SELENOI: variants seen among roughly 807,000 people sequenced by gnomAD.
SELENOI encodes selenoprotein I, also known as ethanolaminephosphotransferase 1.
A neutral mutation model predicts 50.7 loss-of-function variants in SELENOI; 24 were observed. The ratio of observed to expected loss-of-function variants is 0.47; its 90% CI spans 0.34 to 0.67. The LOEUF (loss-of-function observed/expected upper bound fraction) is 0.67, where lower values mean the gene tolerates loss of function less well. Ranked by LOEUF, SELENOI falls within the 30% of genes least tolerant of loss-of-function variation. The probability of loss-of-function intolerance (pLI) is 0.01; values close to 1 mark genes in which losing one functional copy is unlikely to be tolerated. For synonymous variants in SELENOI, 155 were observed against 170.2 expected (o/e 0.91, Z 0.70); for missense variants, 352 against 461.4 (o/e 0.76, Z 2.17).
chr2:26,349,886 T>C (rs1676917863), intron 1 of SELENOI, among the ~76,000 whole-genome samples: 1 of 128,560 alleles, frequency 7.8e-6, no homozygotes, highest in African/African-American at 3.0e-5. Context: ...GGTGGGAGGA[T>C]GGCTTGAGGA....
In SELENOI at chr2:26,370,274, G is replaced by A. The variant is rs1451552017; in HGVS notation, c.310+3054G>A. On this transcript the variant is annotated intron_variant, in intron 4 of 9. Transcript: ENST00000260585. The stretch of plus-strand genomic sequence containing the variant: ...TGTCTACCTCTTTCTACACAGACAC[G>A]GCAACCATCCGATTTCTCAATCTTT... Among the ~76,000 whole-genome samples, 86 of 151,816 alleles carry A rather than the reference G, an allele frequency of 5.7e-4. 1 individual carries two copies. The highest frequency in any genetic ancestry group is 2.0e-3 in the African/African-American group (82 of 41,330).
chr2:26,383,726 T>G (rs1049774395), intron 7 of SELENOI, among the ~76,000 whole-genome samples: 2 of 152,062 alleles, frequency 1.3e-5, no homozygotes, highest in African/African-American at 4.8e-5. Flanking sequence ...ATAAAAAAAT[T>G]AGCTGTGTGT....
chr2:26,391,897 ATTC>A lies in SELENOI; in HGVS notation c.*2798_*2800del, dbSNP rs1677978847. On this transcript the variant is annotated 3_prime_UTR_variant, in exon 10 of 10. Transcript: ENST00000260585. ...TGACATTGCCACAGTTTACAGTGTC[ATTC>A]TTCCACGAATAGGTAATTGATAGAG... 6.6e-6 allele frequency: 1 copy of A among 152,226 alleles called. No individual in the cohort carries two copies. Among genetic ancestry groups the A allele is most frequent in the Non-Finnish European group, 1.5e-5 (1 of 68,044 alleles). 9.4% of individuals were successfully genotyped at this position (152,226 alleles called of 1,614,324 possible).
intron 1 of SELENOI, chr2:26,346,950 A>G (rs1213489936): frequency 1.3e-5 from 2 of 152,234 alleles, no homozygotes; most frequent in Non-Finnish European, 2.9e-5. Context: ...TCTTTTGTGT[A>G]TGAAACTGAA....
intron 4 of SELENOI, among the ~76,000 whole-genome samples, chr2:26,372,136 G>C (rs541822320): frequency 1.3e-5 from 2 of 152,240 alleles, no homozygotes; most frequent in East Asian, 3.9e-4. Flanking sequence ...TTTTGAGACA[G>C]AGTTTCGCTC....
In SELENOI at chr2:26,390,641, A is replaced by G. The variant is rs950337097; in HGVS notation, c.*1538A>G. 1 of 152,318 alleles carries G rather than the reference A, an allele frequency of 6.6e-6. No individual in the cohort carries two copies. The highest frequency in any genetic ancestry group is 1.5e-5 in the Non-Finnish European group (1 of 68,024). The allele number at this position is 152,318 out of a possible 1,614,324, so 9.4% of individuals were successfully genotyped here. ...TAGAAATGAGTCACGGCACTAACTC[A>G]TGGTTCTATACTCATTTTAAGAAAT... On this transcript the variant is annotated 3_prime_UTR_variant, in exon 10 of 10. Transcript: ENST00000260585.
At chr2:26,364,621 A>G (rs1677248896) in intron 2 of SELENOI, among the ~76,000 whole-genome samples, 2 of 152,238 alleles carry the variant, frequency 1.3e-5, no homozygotes. Context: ...TTATGATTAT[A>G]GAAGTTTGCT....
intron 6 of SELENOI, among the ~76,000 whole-genome samples, chr2:26,381,955 A>T (rs1677715175): frequency 6.6e-6 from 1 of 152,234 alleles, no homozygotes; most frequent in African/African-American, 2.4e-5. Context: ...TGGGGCTAAT[A>T]TGTTGCATGA....
chr2:26,376,983 G>T (rs1321862330), intron 6 of SELENOI, among the ~76,000 whole-genome samples: 6 of 152,090 alleles, frequency 3.9e-5, no homozygotes, highest in African/African-American at 1.4e-4. Flanking sequence ...ATGTACCTAG[G>T]TGTGGTTTTC....
rs542602807 is a variant in SELENOI at position 26,393,534 on chromosome 2, T to A, written c.*4431T>A. 6.6e-6 allele frequency: 1 copy of A among 152,284 alleles called. No homozygotes were observed. The highest frequency in any genetic ancestry group is 2.1e-4 in the South Asian group (1 of 4,828). 9.4% of individuals were successfully genotyped at this position (152,284 alleles called of 1,614,324 possible). Reference sequence around the variant, plus strand: ...TTGCATGTGCTTAGAAAGGCCAGGATCCCAGAATTGGAAGGTGCCACATAT... The same window carrying A: ...TTGCATGTGCTTAGAAAGGCCAGGAACCCAGAATTGGAAGGTGCCACATAT... On this transcript the variant is annotated 3_prime_UTR_variant, in exon 10 of 10. Transcript: ENST00000260585.
At chr2:26,374,968 A>C in intron 5 of SELENOI, 72 bp from the exon 6 acceptor site, 1 of 1,028,930 alleles carries the variant, frequency 9.7e-7, no homozygotes, top group Non-Finnish European at 1.5e-6. Flanking sequence ...TTAATGCTGC[A>C]TAAAGCATGG....
intron 1 of SELENOI, among the ~76,000 whole-genome samples, chr2:26,356,141 T>C (rs1398722675): frequency 6.6e-6 from 1 of 152,220 alleles, no homozygotes; most frequent in Non-Finnish European, 1.5e-5. Context: ...CCTACTTTTT[T>C]TGTATTTTAA....
rs1270968839 is a variant in SELENOI, at chr2:26,395,721, C to T, written c.*6618C>T. ...TAATCAAGACCAGACTGTTTCTTGT[C>T]ACTGGATTCTGGAAGCCTTGCCCTT... On this transcript the variant is annotated 3_prime_UTR_variant, in exon 10 of 10. Transcript: ENST00000260585. 6.6e-6 allele frequency: 1 copy of T among 152,590 alleles called. No individual in the cohort carries two copies. 9.5% of individuals were successfully genotyped at this position (152,590 alleles called of 1,614,324 possible).
chr2:26,389,106 A>G lies in SELENOI; in HGVS notation c.*3A>G, dbSNP rs752458021. On this transcript the variant is annotated 3_prime_UTR_variant, in exon 10 of 10. Transcript: ENST00000260585. ...AAGAAAAGAATATTGGCCTGTAATA[A>G]TCTTTCTTTGGGCACAAAGAAGTAC... The G allele has an allele frequency of 5.8e-6, 9 of 1,556,498 alleles. No individual in the cohort carries two copies. The highest frequency in any genetic ancestry group is 5.7e-5 in the Admixed American group (3 of 52,742).
In SELENOI at chr2:26,391,761, G is replaced by C. The variant is rs990388085; in HGVS notation, c.*2658G>C. The C allele has an allele frequency of 6.6e-6, 1 of 152,096 alleles. No homozygotes were observed. The highest frequency in any genetic ancestry group is 6.5e-5 in the Admixed American group (1 of 15,272). 9.4% of individuals were successfully genotyped at this position (152,096 alleles called of 1,614,324 possible). A position where few individuals can be genotyped will look rare whatever the true frequency, so the allele number is the denominator to read the frequency against. On this transcript the variant is annotated 3_prime_UTR_variant, in exon 10 of 10. Coordinates refer to ENST00000260585, the MANE Select transcript of SELENOI (RefSeq NM_033505.4). ...ATCAGATAATAATTCTCCTATATTT[G>C]AGGGGGGCATGGGATAAAAAGATTT...
intron 1 of SELENOI, among the ~76,000 whole-genome samples, chr2:26,355,571 C>T (rs927180265): frequency 2.0e-5 from 3 of 152,166 alleles, no homozygotes; most frequent in Admixed American, 6.5e-5. Flanking sequence ...ACCTGTTTGT[C>T]ATCATGACTT....
At chr2:26,383,678 C>T (rs1677759500) in intron 7 of SELENOI, among the ~76,000 whole-genome samples, 1 of 152,038 alleles carries the variant, frequency 6.6e-6, no homozygotes, top group South Asian at 2.1e-4. Context: ...GGTTCGAGAC[C>T]AGCCTGACCA....
intron 6 of SELENOI, among the ~76,000 whole-genome samples, chr2:26,378,609 T>A (rs1428331680): frequency 1.3e-5 from 2 of 152,146 alleles, no homozygotes; most frequent in African/African-American, 4.8e-5. Context: ...CATCATCTGG[T>A]CTGGGACAGG....
intron 4 of SELENOI, among the ~76,000 whole-genome samples, chr2:26,371,133 G>A (rs574583302): frequency 3.3e-5 from 5 of 149,872 alleles, no homozygotes; most frequent in African/African-American, 4.9e-5. Flanking sequence ...TCCCGGACGG[G>A]GCGGCTGGGC....
Sources: allele counts gnomAD v4.1 joint callset (sites outside exome capture counted in the v4.1 genomes callset), GRCh38; gene constraint gnomAD v4.1.1; transcripts MANE v1.5; gene names NCBI Gene and HGNC (gene_info 2026-07-23, HGNC 2026-07-21).